The following C10orf67 variants were observed in gnomAD, a reference collection of about 807,000 sequenced individuals.
The protein encoded by C10orf67 is uncharacterized protein C10orf67, mitochondrial.
C10orf67 carries 60 observed loss-of-function variants against 35.6 expected under a neutral mutation model. That is an observed-to-expected ratio of 1.68 (90% confidence interval 1.37 to 2.09). C10orf67 has a LOEUF of 2.09. Ranked by LOEUF, C10orf67 falls within the 30% of genes most tolerant of loss-of-function variation. C10orf67 has a pLI of 0.00. For missense variants in C10orf67, 474 were observed against 330.2 expected (o/e 1.44, Z -3.38); for synonymous variants, 167 against 115.8 (o/e 1.44, Z -2.84).
At chr10:23,313,358 T>C (rs933308810) in intron 4 of C10orf67, among the ~76,000 whole-genome samples, 1 of 152,236 alleles carries the variant, frequency 6.6e-6, no homozygotes, top group African/African-American at 2.4e-5. Context: ...CTCGACATTA[T>C]GGATTGCCTT....
chr10:23,272,336 A>G (rs544049129), intron 8 of C10orf67, among the ~76,000 whole-genome samples: 123 of 152,324 alleles, frequency 8.1e-4, no homozygotes, highest in African/African-American at 2.9e-3. Flanking sequence ...CAGCTATTAC[A>G]ATTCTGATCC....
At chr10:23,246,877 T>G (rs999766199) in intron 12 of C10orf67, among the ~76,000 whole-genome samples, 2 of 152,072 alleles carry the variant, frequency 1.3e-5, no homozygotes, top group Admixed American at 6.5e-5. Flanking sequence ...CAGGTTGGAG[T>G]GCAGGGTGTG....
chr10:23,260,300 C>T (rs113344025), intron 10 of C10orf67, among the ~76,000 whole-genome samples: 345 of 151,944 alleles, frequency 2.3e-3, no homozygotes, highest in African/African-American at 7.4e-3. Context: ...CGGAAAAATA[C>T]CTATCAAAAA....
intron 8 of C10orf67, among the ~76,000 whole-genome samples, chr10:23,274,353 C>T (rs1295071968): frequency 2.0e-5 from 3 of 152,142 alleles, no homozygotes; most frequent in Non-Finnish European, 4.4e-5. Flanking sequence ...AGCCTGAGGG[C>T]ACTGCAGGAG....
intron 10 of C10orf67, among the ~76,000 whole-genome samples, chr10:23,265,388 TAGG>T (rs1434876784): frequency 6.6e-6 from 1 of 152,124 alleles, no homozygotes; most frequent in Non-Finnish European, 1.5e-5. Flanking sequence ...CTGCCCTGTG[TAGG>T]AGAAGAAGGA....
intron 5 of C10orf67, among the ~76,000 whole-genome samples, chr10:23,294,881 A>G (rs368368942): frequency 1.1e-4 from 16 of 152,362 alleles, no homozygotes; most frequent in African/African-American, 3.6e-4. Flanking sequence ...AATAAAAAAG[A>G]TCATCTAGAA....
At chr10:23,209,997 C>T (rs58927492) in intron 15 of C10orf67, among the ~76,000 whole-genome samples, 1 of 66,728 alleles carries the variant, frequency 1.5e-5, no homozygotes, top group African/African-American at 7.5e-5. Flanking sequence ...CAGACCTTGG[C>T]TAAAAAAAAA....
intron 5 of C10orf67, among the ~76,000 whole-genome samples, chr10:23,299,149 C>A (rs190606378): frequency 6.6e-6 from 1 of 152,230 alleles, no homozygotes; most frequent in African/African-American, 2.4e-5. Context: ...TATAGAGGAA[C>A]AACAGACTCA....
At chr10:23,329,797 C>CAAAAAAAAAAAAAAAAAAAAA (rs398013008) in intron 2 of C10orf67, among the ~76,000 whole-genome samples, 32 of 48,080 alleles carry the variant, frequency 6.7e-4, no homozygotes, top group East Asian at 1.3e-3. Context: ...GAACTTGTCT[C>CAAAAAAAAAAAAAAAAAAAAA]AAAAAAAAAA....
At position 23,230,481 on chromosome 10, in the gene C10orf67, A is replaced by G. The variant is rs528568478; in HGVS notation, c.1435-6663T>C. ...AGTCAGAATAACATTAATATTGAGAACATTTATTTATTACAAAAGCCAGAA... is the reference window on the plus strand; with the variant it reads ...AGTCAGAATAACATTAATATTGAGAGCATTTATTTATTACAAAAGCCAGAA... On this transcript the variant is annotated intron_variant, in intron 13 of 15. Coordinates refer to ENST00000636213, the MANE Select transcript of C10orf67 (RefSeq NM_001371909.1). Among the ~76,000 whole-genome samples, 5 of 152,284 alleles carry G rather than the reference A, an allele frequency of 3.3e-5. No homozygotes were observed. The South Asian group carries it at 1.0e-3, about 32-fold the overall frequency.
At chr10:23,338,530 G>A (rs541651058) in intron 1 of C10orf67, among the ~76,000 whole-genome samples, 2 of 152,212 alleles carry the variant, frequency 1.3e-5, no homozygotes, top group South Asian at 2.1e-4. Context: ...CAGAACCACC[G>A]AGCATGAACT....
chr10:23,261,613 G>C (rs1842752745), intron 10 of C10orf67, among the ~76,000 whole-genome samples: 1 of 152,142 alleles, frequency 6.6e-6, no homozygotes, highest in Admixed American at 6.5e-5. Context: ...CCCCTGGACT[G>C]TTTTAAAGAT....
At chr10:23,241,210 C>T (rs892993577) in intron 12 of C10orf67, among the ~76,000 whole-genome samples, 7 of 152,208 alleles carry the variant, frequency 4.6e-5, no homozygotes, top group Admixed American at 6.5e-5. Context: ...CTATTATTGA[C>T]ATTTATGTCA....
At chr10:23,227,290 A>C (rs1251172748) in intron 13 of C10orf67, among the ~76,000 whole-genome samples, 1 of 152,244 alleles carries the variant, frequency 6.6e-6, no homozygotes, top group Non-Finnish European at 1.5e-5. Context: ...AACATATGCA[A>C]ATCAATAAAT....
At chr10:23,288,838 T>G (rs567199018) in intron 7 of C10orf67, among the ~76,000 whole-genome samples, 5 of 152,210 alleles carry the variant, frequency 3.3e-5, no homozygotes, top group Non-Finnish European at 7.3e-5. Flanking sequence ...CTTGGGGATG[T>G]GAATCTGCTT....
At chr10:23,276,542 C>T (rs1292379070) in intron 8 of C10orf67, among the ~76,000 whole-genome samples, 3 of 152,042 alleles carry the variant, frequency 2.0e-5, no homozygotes, top group Admixed American at 6.6e-5. Context: ...CTGTGATTCA[C>T]CTTACCCGAG....
chr10:23,221,329 A>C (rs1247401587), intron 15 of C10orf67, among the ~76,000 whole-genome samples: 1 of 152,190 alleles, frequency 6.6e-6, no homozygotes, highest in Non-Finnish European at 1.5e-5. Flanking sequence ...ATCAGCCCCT[A>C]TAATCCAATC....
At chr10:23,270,703 C>A (rs540763690) in intron 8 of C10orf67, among the ~76,000 whole-genome samples, 1 of 152,214 alleles carries the variant, frequency 6.6e-6, no homozygotes. Context: ...GGGGGAGAGG[C>A]GGCTGCCATC....
chr10:23,329,842 G>A (rs1344431677), intron 2 of C10orf67, among the ~76,000 whole-genome samples: 2 of 135,912 alleles, frequency 1.5e-5, no homozygotes, highest in Non-Finnish European at 3.2e-5. Context: ...AAATTATAGG[G>A]CAATCTCGCT....
Sources: gnomAD v4.1 joint callset for allele counts (sites outside exome capture counted in the v4.1 genomes callset) on GRCh38, gnomAD v4.1.1 for gene constraint, MANE v1.5 for transcripts, NCBI Gene and HGNC (gene_info 2026-07-23, HGNC 2026-07-21) for gene names.